Variants in EGFL6 observed in about 807,000 individuals in gnomAD.
EGFL6 encodes the protein epidermal growth factor-like protein 6.
A neutral mutation model predicts 43.1 loss-of-function variants in EGFL6; 42 were observed. The observed-to-expected ratio is 0.98, with a 90% CI of 0.76 to 1.26. EGFL6 has a LOEUF of 1.26. Ranked by LOEUF, EGFL6 falls within the 50% of genes most tolerant of loss-of-function variation. EGFL6 has a pLI of 0.00. For synonymous variants in EGFL6, 164 were observed against 163.2 expected (o/e 1.01, Z -0.04); for missense variants, 429 against 427.8 (o/e 1.00, Z -0.02).
At chrX:13,631,469 TA>T (rs1177376096) in intron 11 of EGFL6, among the ~76,000 whole-genome samples, 5 of 111,670 alleles carry the variant, frequency 4.5e-5, no homozygotes, top group African/African-American at 1.6e-4. Flanking sequence ...TTTTTTTTTT[TA>T]AATTACAATA....
At chrX:13,589,762 C>A in intron 2 of EGFL6, 94 bp downstream of exon 2, 1 of 697,223 alleles carries the variant, frequency 1.4e-6, no homozygotes, top group Non-Finnish European at 2.1e-6. Context: ...GCCAGTGGAT[C>A]TCTCAGGCAA....
At chrX:13,599,877 T>C in intron 3 of EGFL6, 98 bp from the exon 4 acceptor site, 1 of 963,976 alleles carries the variant, frequency 1.0e-6, no homozygotes, top group East Asian at 3.2e-5. Flanking sequence ...TCAGGGAAGC[T>C]AACCCAGTTG....
At position 13,633,356 on chromosome X, in the gene EGFL6, G is replaced by A. The variant is rs2045824455; in HGVS notation, c.*261G>A. 3 of 239,715 alleles carry A rather than the reference G, an allele frequency of 1.3e-5. No homozygotes were observed. Among genetic ancestry groups the A allele is most frequent in the Admixed American group, 6.9e-5 (1 of 14,527 alleles). The allele number at this position is 239,715 out of a possible 1,213,427, so 19.8% of individuals were successfully genotyped here. ...AATGTCAGTTTATCTCCCCTCCTCA[G>A]TATATCTGATTTGTATAAGTAAGTT... On this transcript the variant is annotated 3_prime_UTR_variant, in exon 12 of 12. Transcript: ENST00000361306.
At chrX:13,601,539 G>A (rs1227103472) in intron 4 of EGFL6, among the ~76,000 whole-genome samples, 3 of 111,127 alleles carry the variant, frequency 2.7e-5, no homozygotes, top group Non-Finnish European at 5.7e-5. Flanking sequence ...CTGTGGTTGC[G>A]GAGTTGCACA....
intron 1 of EGFL6, among the ~76,000 whole-genome samples, chrX:13,570,989 G>C (rs1332021886): frequency 9.0e-6 from 1 of 110,872 alleles, no homozygotes; most frequent in Non-Finnish European, 1.9e-5. Context: ...TTGACCTTTC[G>C]GGCTGGGCTG....
In EGFL6 at chrX:13,600,086, C is replaced by T. The variant is rs774377999; in HGVS notation, c.392C>T (p.Thr131Met). 5.0e-6 allele frequency: 6 copies of T among 1,210,244 alleles called. No homozygotes were observed. In the East Asian group the frequency reaches 1.2e-4, roughly 24 times the overall value. Residue 131 changes from threonine (T) to methionine (M), a missense_variant, in exon 4 of 12, where the codon ACG (threonine) becomes ATG (methionine). Thr to Met is a moderately conservative substitution (Grantham distance 81). Transcript: ENST00000361306. ...GGCCACATGCTCATGCCAGATGCTA[C>T]GTGTGTGAGTAAGTTTCAACAGCCA... ...LSGHMLMPDA[T>M]CVNSRTCAMI...
In EGFL6 at chrX:13,610,055, AC is replaced by A. The variant is rs779909982; in HGVS notation, c.778+1612del. Among the ~76,000 whole-genome samples the A allele has an allele frequency of 5.5e-4, 61 of 111,628 alleles. 1 individual carries two copies. Among genetic ancestry groups the A allele is most frequent in the African/African-American group, 2.0e-3 (60 of 30,712 alleles). On this transcript the variant is annotated intron_variant, in intron 7 of 11. Transcript: ENST00000361306. ...TACCATGCTAGACATTCAGCGCCAC[AC>A]CCATAAAAGGTTCACAGTACCCCAG...
intron 1 of EGFL6, among the ~76,000 whole-genome samples, chrX:13,586,249 T>C (rs1340289377): frequency 1.8e-5 from 2 of 111,878 alleles, no homozygotes; most frequent in African/African-American, 6.5e-5. Flanking sequence ...TAACAAGTGC[T>C]GGTGAGGATG....
intron 1 of EGFL6, among the ~76,000 whole-genome samples, chrX:13,581,525 C>T (rs1438717495): frequency 8.9e-6 from 1 of 112,287 alleles, no homozygotes; most frequent in East Asian, 2.8e-4. Flanking sequence ...TCTTTTATTT[C>T]ATTTATATGG....
chrX:13,632,211 G>A (rs1328625071), intron 11 of EGFL6, among the ~76,000 whole-genome samples: 3 of 101,442 alleles, frequency 3.0e-5, no homozygotes, highest in Admixed American at 2.1e-4. Context: ...GTGAGACTCC[G>A]TCTCAAAAAA....
At position 13,600,087 on chromosome X, in the gene EGFL6, G is replaced by C. The variant is rs184273053; in HGVS notation, c.393G>C (p.Thr131=). 8.3e-7 allele frequency: 1 copy of C among 1,210,551 alleles called. No individual in the cohort carries two copies. ...LSGHMLMPDA[T]CVNSRTCAMI... ...GCCACATGCTCATGCCAGATGCTAC[G>C]TGTGTGAGTAAGTTTCAACAGCCAG... Residue 131 remains threonine (T), a synonymous_variant, in exon 4 of 12, where the codon ACG becomes ACC. Coordinates refer to ENST00000361306, the MANE Select transcript of EGFL6 (RefSeq NM_015507.4).
At chrX:13,588,863 A>C (rs906228349) in intron 1 of EGFL6, among the ~76,000 whole-genome samples, 2 of 112,477 alleles carry the variant, frequency 1.8e-5, no homozygotes, top group Non-Finnish European at 3.8e-5. Flanking sequence ...GTACTTGGAC[A>C]GATATCTTAT....
chrX:13,593,149 A>C (rs750541148), intron 2 of EGFL6, among the ~76,000 whole-genome samples: 1 of 110,430 alleles, frequency 9.1e-6, no homozygotes, highest in Admixed American at 9.7e-5. Flanking sequence ...TCCTGACCTC[A>C]GGTGATCCAC....
Position 13,611,880 on chromosome X carries a change from C to T in EGFL6, c.778+3434C>T, listed in dbSNP as rs1211436374. Among the ~76,000 whole-genome samples, 4 of 111,912 alleles carry T rather than the reference C, an allele frequency of 3.6e-5. No individual in the cohort carries two copies. In the South Asian group the frequency reaches 1.1e-3, roughly 31 times the overall value. On this transcript the variant is annotated intron_variant, in intron 7 of 11. Coordinates refer to ENST00000361306, the MANE Select transcript of EGFL6 (RefSeq NM_015507.4). ...TGGAATGTTTATTTAAAGGAGAAAA[C>T]TATCTTTGGGTCATTTACTATATTA...
intron 1 of EGFL6, among the ~76,000 whole-genome samples, chrX:13,579,987 G>A (rs964015091): frequency 2.7e-5 from 3 of 110,845 alleles, no homozygotes; most frequent in African/African-American, 6.6e-5. Context: ...TCCTAATTTC[G>A]GAAGTTACCC....
chrX:13,572,760 G>A lies in EGFL6; in HGVS notation c.74+2825G>A, dbSNP rs374436223. Reference sequence around the variant, plus strand: ...CTTACAGAGACCACATGCTATGTGGGTAATTGATTTTTCTCAAAGCCCTGG... The same window carrying A: ...CTTACAGAGACCACATGCTATGTGGATAATTGATTTTTCTCAAAGCCCTGG... On this transcript the variant is annotated intron_variant, in intron 1 of 11. Coordinates refer to ENST00000361306, the MANE Select transcript of EGFL6 (RefSeq NM_015507.4). 8.1e-4 allele frequency among the ~76,000 whole-genome samples: 91 copies of A among 112,041 alleles called. No homozygotes were observed. In the South Asian group the frequency reaches 0.024, roughly 30 times the overall value.
At chrX:13,580,484 A>T (rs1255202986) in intron 1 of EGFL6, among the ~76,000 whole-genome samples, 1 of 111,156 alleles carries the variant, frequency 9.0e-6, no homozygotes, top group East Asian at 2.8e-4. Context: ...CAGCATCCAA[A>T]CTGGCTCAAG....
chrX:13,609,037 T>C (rs2045675968), intron 7 of EGFL6, among the ~76,000 whole-genome samples: 1 of 112,749 alleles, frequency 8.9e-6, no homozygotes, highest in African/African-American at 3.2e-5. Context: ...ACTTTAAATT[T>C]ATAAACCAGA....
intron 3 of EGFL6, among the ~76,000 whole-genome samples, chrX:13,597,554 T>A (rs750409775): frequency 3.6e-5 from 4 of 111,059 alleles, no homozygotes; most frequent in East Asian, 2.8e-4. Context: ...GAGGTCGAGG[T>A]GGGTGGATCA....
Sources: allele counts gnomAD v4.1 joint callset (sites outside exome capture counted in the v4.1 genomes callset), GRCh38; gene constraint gnomAD v4.1.1; transcripts MANE v1.5; gene names NCBI Gene and HGNC (gene_info 2026-07-23, HGNC 2026-07-21).